MCTP1: variants seen among roughly 807,000 people sequenced by gnomAD.
MCTP1 encodes multiple C2 and transmembrane domain containing 1, also known as multiple C2 and transmembrane domain-containing protein 1.
A neutral mutation model predicts 120.6 loss-of-function variants in MCTP1; 69 were observed. The ratio of observed to expected loss-of-function variants is 0.57; its 90% CI spans 0.47 to 0.70. The LOEUF (loss-of-function observed/expected upper bound fraction) is 0.70. Ranked by LOEUF, MCTP1 falls within the 30% of genes least tolerant of loss-of-function variation. MCTP1 has a pLI of 0.00. For missense variants in MCTP1, 1,203 were observed against 1,248.8 expected (o/e 0.96, Z 0.55); for synonymous variants, 529 against 493.1 (o/e 1.07, Z -0.96).
chr5:95,280,080 T>C (rs77277517), intron 1 of MCTP1, among the ~76,000 whole-genome samples: 159 of 152,332 alleles, frequency 1.0e-3, no homozygotes, highest in African/African-American at 3.7e-3. Context: ...ATTGCAAAAA[T>C]CAACCCAAGT....
At chr5:94,738,805 C>G (rs957339958) in intron 19 of MCTP1, among the ~76,000 whole-genome samples, 2 of 152,178 alleles carry the variant, frequency 1.3e-5, no homozygotes, top group African/African-American at 2.4e-5. Context: ...TTTAAAATAT[C>G]CCCTTCTCCA....
At chr5:94,755,059 T>C (rs901982113) in intron 19 of MCTP1, among the ~76,000 whole-genome samples, 1 of 152,212 alleles carries the variant, frequency 6.6e-6, no homozygotes, top group Admixed American at 6.5e-5. Flanking sequence ...ATTTGTCCAT[T>C]TGGCTCATGC....
At chr5:94,892,351 C>T (rs1802873973) in intron 11 of MCTP1, among the ~76,000 whole-genome samples, 1 of 152,154 alleles carries the variant, frequency 6.6e-6, no homozygotes, top group South Asian at 2.1e-4. Flanking sequence ...AAATGGAATG[C>T]TAACAACTTC....
chr5:95,265,968 C>G (rs1349039713), intron 1 of MCTP1, among the ~76,000 whole-genome samples: 1 of 152,190 alleles, frequency 6.6e-6, no homozygotes, highest in Admixed American at 6.5e-5. Context: ...AAAGAAGAGT[C>G]TCATATAAGA....
chr5:94,726,245 G>A (rs1274774926), intron 19 of MCTP1, among the ~76,000 whole-genome samples: 5 of 152,194 alleles, frequency 3.3e-5, no homozygotes, highest in African/African-American at 1.2e-4. Flanking sequence ...AATGGCACCT[G>A]AGCAGAATGT....
At chr5:94,860,077 T>C (rs906553658) in intron 17 of MCTP1, among the ~76,000 whole-genome samples, 1 of 151,600 alleles carries the variant, frequency 6.6e-6, no homozygotes, top group African/African-American at 2.4e-5. Flanking sequence ...TAAATGACAA[T>C]AGTAAAATTT....
chr5:94,920,142 T>C (rs933400951), intron 7 of MCTP1, among the ~76,000 whole-genome samples: 1 of 152,218 alleles, frequency 6.6e-6, no homozygotes, highest in Non-Finnish European at 1.5e-5. Flanking sequence ...ACTACGTTTG[T>C]TCGAAAATAC....
intron 1 of MCTP1, among the ~76,000 whole-genome samples, chr5:95,168,061 T>G (rs1292901809): frequency 1.3e-5 from 2 of 151,988 alleles, no homozygotes; most frequent in Admixed American, 6.6e-5. Flanking sequence ...CCATCTTGAA[T>G]TAATTTTTGT....
intron 18 of MCTP1, among the ~76,000 whole-genome samples, chr5:94,798,013 C>T (rs1217782451): frequency 6.6e-6 from 1 of 151,436 alleles, no homozygotes; most frequent in Non-Finnish European, 1.5e-5. Context: ...AATAATTCTG[C>T]ATAATTATGG....
At chr5:95,231,297 T>C (rs923652928) in intron 1 of MCTP1, among the ~76,000 whole-genome samples, 4 of 152,230 alleles carry the variant, frequency 2.6e-5, no homozygotes, top group East Asian at 3.9e-4. Context: ...CTAATAGCAA[T>C]TTGAAGCCAA....
chr5:95,198,963 G>A (rs1459894754), intron 1 of MCTP1, among the ~76,000 whole-genome samples: 1 of 152,114 alleles, frequency 6.6e-6, no homozygotes, highest in Non-Finnish European at 1.5e-5. Context: ...TGGTGCTAAG[G>A]ACTGAATCTC....
At chr5:95,261,871 A>C (rs901880069) in intron 1 of MCTP1, among the ~76,000 whole-genome samples, 1 of 152,262 alleles carries the variant, frequency 6.6e-6, no homozygotes, top group Non-Finnish European at 1.5e-5. Flanking sequence ...CAGAAGGAGA[A>C]GTTAACCCAC....
Position 94,968,616 on chromosome 5 carries a change from T to C in MCTP1, c.839-15255A>G, listed in dbSNP as rs182396568. Among the ~76,000 whole-genome samples, 187 of 152,302 alleles carry C rather than the reference T, an allele frequency of 1.2e-3. 1 individual carries two copies. Among genetic ancestry groups the C allele is most frequent in the African/African-American group, 4.2e-3 (176 of 41,578 alleles). ...ATACAAAAAGGATTTAGTTTGTTGGTTCGAAAGACTCAAAAAAATCAATAG... is the reference window on the plus strand; with the variant it reads ...ATACAAAAAGGATTTAGTTTGTTGGCTCGAAAGACTCAAAAAAATCAATAG... On this transcript the variant is annotated intron_variant, in intron 2 of 22. Transcript: ENST00000515393.
At chr5:95,016,450 T>A (rs966911901) in intron 2 of MCTP1, among the ~76,000 whole-genome samples, 2 of 152,248 alleles carry the variant, frequency 1.3e-5, no homozygotes, top group South Asian at 4.1e-4. Flanking sequence ...GGAGACAAAT[T>A]AAAATTGCAG....
chr5:95,095,110 G>A (rs1359627846), intron 1 of MCTP1, among the ~76,000 whole-genome samples: 1 of 121,916 alleles, frequency 8.2e-6, no homozygotes, highest in Non-Finnish European at 1.6e-5. Context: ...TGCAAGCTCT[G>A]CCTCCCGGGT....
At chr5:95,254,448 C>G (rs986643876) in intron 1 of MCTP1, among the ~76,000 whole-genome samples, 1 of 152,076 alleles carries the variant, frequency 6.6e-6, no homozygotes, top group Non-Finnish European at 1.5e-5. Context: ...AAAATTCTAG[C>G]CCAGGCAGCC....
chr5:94,961,525 G>T (rs972150037), intron 2 of MCTP1, among the ~76,000 whole-genome samples: 1 of 152,154 alleles, frequency 6.6e-6, no homozygotes, highest in Admixed American at 6.6e-5. Flanking sequence ...TCTAATGCCT[G>T]CACTATTTCT....
At chr5:95,018,042 A>G (rs1837456883) in intron 1 of MCTP1, among the ~76,000 whole-genome samples, 1 of 152,088 alleles carries the variant, frequency 6.6e-6, no homozygotes, top group Non-Finnish European at 1.5e-5. Context: ...TATATTCTCG[A>G]TGGGGCTAAA....
At chr5:95,169,389 A>G (rs893693803) in intron 1 of MCTP1, among the ~76,000 whole-genome samples, 15 of 152,178 alleles carry the variant, frequency 9.9e-5, no homozygotes, top group African/African-American at 2.7e-4. Flanking sequence ...AGGCTTTGGT[A>G]TCAGGATGAT....
Sources: gnomAD v4.1 joint callset for allele counts (sites outside exome capture counted in the v4.1 genomes callset) on GRCh38, gnomAD v4.1.1 for gene constraint, MANE v1.5 for transcripts, NCBI Gene and HGNC (gene_info 2026-07-23, HGNC 2026-07-21) for gene names.